Variants in PVT1 observed in about 807,000 individuals in gnomAD.
The protein encoded by PVT1 is Pvt1 oncogene, also known as CXCR4/PVT1 fusion.
At chr8:127,883,806 G>A (rs944375674) in intron 2 of PVT1, among the ~76,000 whole-genome samples, 43 of 152,078 alleles carry the variant, frequency 2.8e-4, no homozygotes, top group African/African-American at 1.0e-3. Context: ...CGTGTCACTG[G>A]GCCAGAGCAT....
At chr8:127,897,927 G>GGAAA (rs1198956927) in intron 3 of PVT1, among the ~76,000 whole-genome samples, 4 of 146,666 alleles carry the variant, frequency 2.7e-5, no homozygotes, top group East Asian at 2.0e-4. Context: ...AAGGAAGAAA[G>GGAAA]GAAAGAAAGA....
chr8:128,029,754 G>A (rs547803959), intron 4 of PVT1, among the ~76,000 whole-genome samples: 43 of 152,238 alleles, frequency 2.8e-4, no homozygotes, highest in Admixed American at 1.0e-3. Flanking sequence ...AGCCGAGATC[G>A]CGCCACTGCA....
intron 4 of PVT1, among the ~76,000 whole-genome samples, chr8:128,024,146 G>A (rs1234563914): frequency 6.6e-6 from 1 of 152,224 alleles, no homozygotes; most frequent in Non-Finnish European, 1.5e-5. Context: ...GCATCCAGGT[G>A]AAGCTCCTCA....
At chr8:127,864,629 G>A (rs936227230) in intron 2 of PVT1, among the ~76,000 whole-genome samples, 3 of 151,982 alleles carry the variant, frequency 2.0e-5, no homozygotes, top group South Asian at 2.1e-4. Flanking sequence ...CTCACTGCCA[G>A]CTCCGCCTCC....
intron 4 of PVT1, among the ~76,000 whole-genome samples, chr8:128,056,382 T>C (rs1813762663): frequency 1.3e-5 from 2 of 152,236 alleles, no homozygotes; most frequent in African/African-American, 4.8e-5. Context: ...CATACATATG[T>C]GTCTGCGTAT....
rs188522478 is a variant in PVT1 at position 128,031,714 on chromosome 8, T to C, written n.913-38446T>C. Among the ~76,000 whole-genome samples the C allele has an allele frequency of 4.6e-5, 7 of 150,646 alleles. No individual in the cohort carries two copies. In the South Asian group the frequency reaches 8.3e-4, roughly 18 times the overall value. On this transcript the variant is annotated intron_variant and non_coding_transcript_variant, in intron 4 of 10. Transcript: ENST00000651587. ...TATGCCAAACACTGTTTTAACTGAT[T>C]TTTATATTAATTCATTTAATCTTCA...
intron 4 of PVT1, among the ~76,000 whole-genome samples, chr8:128,003,553 C>T (rs1021416196): frequency 1.1e-4 from 16 of 152,256 alleles, no homozygotes; most frequent in African/African-American, 3.6e-4. Flanking sequence ...ATCATGTTGC[C>T]CAGGCTGGTC....
intron 4 of PVT1, among the ~76,000 whole-genome samples, chr8:128,063,255 A>G (rs1034120451): frequency 6.6e-6 from 1 of 152,086 alleles, no homozygotes; most frequent in Non-Finnish European, 1.5e-5. Flanking sequence ...GCTCAAGCCT[A>G]TAATCCCAGC....
chr8:127,862,437 T>G (rs1427125285), intron 2 of PVT1, among the ~76,000 whole-genome samples: 1 of 152,112 alleles, frequency 6.6e-6, no homozygotes, highest in Non-Finnish European at 1.5e-5. Context: ...TTAATTTTTA[T>G]TTTTTAGAGA....
chr8:128,052,689 G>C (rs1033286351), intron 4 of PVT1, among the ~76,000 whole-genome samples: 3 of 152,210 alleles, frequency 2.0e-5, no homozygotes, highest in Non-Finnish European at 4.4e-5. Context: ...GATCCTGTAA[G>C]GGGAAGAATG....
At chr8:128,007,852 C>A (rs1817265398) in intron 4 of PVT1, among the ~76,000 whole-genome samples, 1 of 152,200 alleles carries the variant, frequency 6.6e-6, no homozygotes, top group South Asian at 2.1e-4. Context: ...GGACACCCAC[C>A]TAATTTTCAC....
intron 3 of PVT1, among the ~76,000 whole-genome samples, chr8:127,922,309 T>C (rs1377222310): frequency 8.3e-6 from 1 of 121,038 alleles, no homozygotes; most frequent in Non-Finnish European, 1.7e-5. Flanking sequence ...CTAGGACAAG[T>C]GACAAAAGTC....
At chr8:128,094,688 C>T (rs1461407780) in intron 5 of PVT1, among the ~76,000 whole-genome samples, 1 of 152,234 alleles carries the variant, frequency 6.6e-6, no homozygotes, top group African/African-American at 2.4e-5. Context: ...GTTTTTCCTT[C>T]TACTCTCTAT....
chr8:128,028,601 A>C (rs1312096012), intron 4 of PVT1, among the ~76,000 whole-genome samples: 1 of 152,212 alleles, frequency 6.6e-6, no homozygotes, highest in Non-Finnish European at 1.5e-5. Context: ...CTAGGGACCT[A>C]TCTGCTTCAT....
chr8:127,799,956 G>A (rs1423943442), intron 2 of PVT1, among the ~76,000 whole-genome samples: 1 of 152,170 alleles, frequency 6.6e-6, no homozygotes, highest in Non-Finnish European at 1.5e-5. Flanking sequence ...AGTAAATAAA[G>A]CTGCAGAAGT....
chr8:128,023,788 A>G (rs1052604998), intron 4 of PVT1, among the ~76,000 whole-genome samples: 3 of 152,116 alleles, frequency 2.0e-5, no homozygotes, highest in Non-Finnish European at 4.4e-5. Flanking sequence ...ATGTCGATTG[A>G]TCTACGGAGT....
intron 2 of PVT1, among the ~76,000 whole-genome samples, chr8:127,800,201 T>A (rs975526129): frequency 2.6e-5 from 4 of 152,106 alleles, no homozygotes; most frequent in African/African-American, 9.7e-5. Context: ...TCAGGGCTCT[T>A]TTTTTTTCTG....
intron 4 of PVT1, among the ~76,000 whole-genome samples, chr8:128,019,668 CG>C (rs1304308818): frequency 2.0e-5 from 3 of 152,196 alleles, no homozygotes; most frequent in African/African-American, 7.2e-5. Flanking sequence ...TACGGTATCA[CG>C]GATGTCTTCC....
At chr8:127,843,129 G>C (rs1443739050) in intron 2 of PVT1, among the ~76,000 whole-genome samples, 1 of 152,198 alleles carries the variant, frequency 6.6e-6, no homozygotes, top group East Asian at 1.9e-4. Context: ...GCTGAGGCGG[G>C]TGGATCACTT....
Sources: allele counts gnomAD v4.1 joint callset (sites outside exome capture counted in the v4.1 genomes callset), GRCh38; gene constraint gnomAD v4.1.1; transcripts MANE v1.5; gene names NCBI Gene and HGNC (gene_info 2026-07-23, HGNC 2026-07-21).